DNAI1: variants seen among roughly 807,000 people sequenced by gnomAD.
The protein encoded by DNAI1 is dynein, axonemal, intermediate polypeptide 1.
Under a neutral mutation model 92.0 loss-of-function variants are expected in DNAI1, and 67 were observed. The ratio of observed to expected loss-of-function variants is 0.73; its 90% CI spans 0.60 to 0.89. The LOEUF (loss-of-function observed/expected upper bound fraction) is 0.89, where lower values mean the gene tolerates loss of function less well. Ranked by LOEUF, DNAI1 falls within the 40% of genes least tolerant of loss-of-function variation. The pLI is 0.00. For missense variants in DNAI1, 839 were observed against 866.6 expected, an observed-to-expected ratio of 0.97 and a Z score of 0.40; for synonymous variants, 323 against 319.6, an observed-to-expected ratio of 1.01 and a Z score of -0.11.
chr9:34,502,942 A>T lies in DNAI1; in HGVS notation c.1063+1761A>T, dbSNP rs146083703. On this transcript the variant is annotated intron_variant, in intron 12 of 19. Coordinates refer to ENST00000242317, the MANE Select transcript of DNAI1 (RefSeq NM_012144.4). ...TACGCTTGAGAGAGAAGAAGTAAAC[A>T]TGCTGCAAGCGGAGGAACCACCTAC... 1.7e-3 allele frequency among the ~76,000 whole-genome samples: 261 copies of T among 152,258 alleles called. 2 individuals carry two copies. The highest frequency in any genetic ancestry group is 6.1e-3 in the African/African-American group (253 of 41,536).
At chr9:34,500,875 G>A (rs375083974) in intron 11 of DNAI1, 36 bp downstream of exon 11, 1 of 1,543,734 alleles carries the variant, frequency 6.5e-7, no homozygotes, top group African/African-American at 1.4e-5. Flanking sequence ...CAGAGCCCCT[G>A]AGTGCCCTCT....
Position 34,490,065 on chromosome 9 carries a change from G to C in DNAI1, c.442G>C (p.Glu148Gln). The change falls in exon 6 of 20, where the codon GAA becomes CAA. Residue 148 changes from glutamate (E) to glutamine (Q), a missense_variant. Transcript: ENST00000242317. ...ISETGNLEED[E>Q]EPKELETEPG... ...AGAAACAGGAAACCTCGAAGAAGAC[G>C]AAGAGCCCAAGGAGTTAGAAACTGA... 1 of 1,614,210 alleles carries C rather than the reference G, an allele frequency of 6.2e-7. No homozygotes were observed. Among genetic ancestry groups the C allele is most frequent in the Non-Finnish European group, 8.5e-7 (1 of 1,180,038 alleles).
chr9:34,462,997 G>A (rs1226981806), intron 1 of DNAI1, among the ~76,000 whole-genome samples: 1 of 152,150 alleles, frequency 6.6e-6, no homozygotes, highest in Non-Finnish European at 1.5e-5. Context: ...ATTAGATGGT[G>A]ATAGATGCCA....
intron 9 of DNAI1, among the ~76,000 whole-genome samples, chr9:34,494,185 T>C (rs1480055612): frequency 6.6e-6 from 1 of 152,164 alleles, no homozygotes; most frequent in Non-Finnish European, 1.5e-5. Flanking sequence ...GAAGTGGTTC[T>C]GCTCCACTCC....
chr9:34,497,179 C>T lies in DNAI1; in HGVS notation c.881C>T (p.Thr294Ile), dbSNP rs749515154. Residue 294 changes from threonine (T) to isoleucine (I), a missense_variant, in exon 10 of 20, where the codon ACA becomes ATA. Thr to Ile is a moderately conservative substitution (Grantham distance 89). Coordinates refer to ENST00000242317, the MANE Select transcript of DNAI1 (RefSeq NM_012144.4). Reference sequence around the variant, plus strand: ...ATGGAGCGGATGGTCAACCAGAATACATATGATGACATTGCTCAAGGTAAG... The same window carrying T: ...ATGGAGCGGATGGTCAACCAGAATATATATGATGACATTGCTCAAGGTAAG... The part of the protein sequence containing the change: ...KIMERMVNQN[T>I]YDDIAQDFKY... The T allele has an allele frequency of 1.2e-6, 2 of 1,613,722 alleles. No homozygotes were observed. The highest frequency in any genetic ancestry group is 4.5e-5 in the East Asian group (2 of 44,888).
rs752149485 is a variant in DNAI1, at chr9:34,512,378, A to G, written c.1443A>G (p.Glu481=). The G allele has an allele frequency of 2.5e-6, 4 of 1,614,032 alleles. No individual in the cohort carries two copies. The highest frequency in any genetic ancestry group is 3.4e-6 in the Non-Finnish European group (4 of 1,180,030). ...TAGATGTCATCAAGCTGAAGGTGGA[A>G]GGCAGCACCACGGAAGTTCCTGAGG... ...VHIDVIKLKV[E]GSTTEVPEGL... Residue 481 remains glutamate (E), a synonymous_variant, in exon 15 of 20, where the codon GAA becomes GAG. Transcript: ENST00000242317.
chr9:34,492,477 G>T (rs1824621048), intron 8 of DNAI1, among the ~76,000 whole-genome samples: 1 of 111,738 alleles, frequency 8.9e-6, no homozygotes, highest in Non-Finnish European at 1.9e-5. Context: ...GTCCGGGGTG[G>T]GGGTGGGGAT....
intron 13 of DNAI1, among the ~76,000 whole-genome samples, chr9:34,509,280 CAT>C (rs1260375423): frequency 6.6e-6 from 1 of 152,098 alleles, no homozygotes; most frequent in Non-Finnish European, 1.5e-5. Flanking sequence ...AAAGGGGTCA[CAT>C]GTGCAATGAC....
At chr9:34,499,573 CAG>C (rs1477429499) in intron 10 of DNAI1, among the ~76,000 whole-genome samples, 1 of 152,062 alleles carries the variant, frequency 6.6e-6, no homozygotes, top group Admixed American at 6.6e-5. Flanking sequence ...TCTAGTGTGA[CAG>C]ATGTTTCAGT....
chr9:34,477,270 A>T (rs1476916872), intron 1 of DNAI1, among the ~76,000 whole-genome samples: 1 of 152,112 alleles, frequency 6.6e-6, no homozygotes, highest in African/African-American at 2.4e-5. Context: ...CAAGAGAATG[A>T]CACAATCATA....
At chr9:34,515,670 T>TAA in intron 18 of DNAI1, among the ~76,000 whole-genome samples, 1 of 152,244 alleles carries the variant, frequency 6.6e-6, no homozygotes, top group Non-Finnish European at 1.5e-5. Context: ...GATGTGCTGA[T>TAA]ACATGCTACA....
intron 19 of DNAI1, 89 bp from the exon 20 acceptor site, chr9:34,520,569 C>A: frequency 8.2e-7 from 1 of 1,225,460 alleles, no homozygotes; most frequent in Non-Finnish European, 1.2e-6. Flanking sequence ...TAGGGCACAG[C>A]TGGACAGGCT....
chr9:34,509,582 CAGAG>C (rs1178318024), intron 13 of DNAI1, among the ~76,000 whole-genome samples: 1 of 151,282 alleles, frequency 6.6e-6, no homozygotes, highest in Admixed American at 6.6e-5. Flanking sequence ...GCCCAGCCAT[CAGAG>C]AGTTTGGGGC....
chr9:34,493,668 A>G (rs1824658952), intron 9 of DNAI1, among the ~76,000 whole-genome samples: 1 of 152,078 alleles, frequency 6.6e-6, no homozygotes, highest in Non-Finnish European at 1.5e-5. Flanking sequence ...TGTGAGGATA[A>G]GGCACCACTT....
In DNAI1 at chr9:34,517,463, CA is replaced by C; in HGVS notation, c.2000del (p.Lys667ArgfsTer23). ...LKLSPNLRKM[P>X]KEKKGQEVQK... is the part of the protein sequence containing the mutation. The stretch of plus-strand genomic sequence containing the variant: ...CTCTCACCCAATTTGCGCAAGATGC[CA>C]AAGGTACAGGCTCTGGGACTTTGAG... On this transcript the variant is annotated frameshift_variant, in exon 19 of 20. Transcript: ENST00000242317. LOFTEE classifies it high-confidence loss of function. 6.2e-7 allele frequency: 1 copy of C among 1,614,144 alleles called. No individual in the cohort carries two copies. Among genetic ancestry groups the C allele is most frequent in the South Asian group, 1.1e-5 (1 of 91,080 alleles).
chr9:34,467,931 G>A (rs1824067730), intron 1 of DNAI1, among the ~76,000 whole-genome samples: 1 of 152,198 alleles, frequency 6.6e-6, no homozygotes, highest in African/African-American at 2.4e-5. Context: ...CCAAAGGAGA[G>A]CATGATAGTA....
intron 1 of DNAI1, among the ~76,000 whole-genome samples, chr9:34,477,344 CT>C (rs774199863): frequency 6.6e-6 from 1 of 152,146 alleles, no homozygotes; most frequent in Non-Finnish European, 1.5e-5. Flanking sequence ...TCCTGGTCAA[CT>C]TTGGGTCAGT....
At chr9:34,472,105 C>A (rs1824147663) in intron 1 of DNAI1, among the ~76,000 whole-genome samples, 1 of 152,206 alleles carries the variant, frequency 6.6e-6, no homozygotes, top group Non-Finnish European at 1.5e-5. Flanking sequence ...CCTTGCATGG[C>A]AGACTGCATG....
intron 1 of DNAI1, among the ~76,000 whole-genome samples, chr9:34,477,200 G>A (rs1197944645): frequency 1.3e-5 from 2 of 152,076 alleles, no homozygotes; most frequent in African/African-American, 4.8e-5. Context: ...AAATTTTTAT[G>A]TGGAGATGGG....
Sources: allele counts gnomAD v4.1 joint callset (sites outside exome capture counted in the v4.1 genomes callset), GRCh38; gene constraint gnomAD v4.1.1; transcripts MANE v1.5; gene names NCBI Gene and HGNC (gene_info 2026-07-23, HGNC 2026-07-21).